Variants in KCNH1 observed in about 807,000 individuals in gnomAD.
The protein encoded by KCNH1 is voltage-gated delayed rectifier potassium channel KCNH1.
A neutral mutation model predicts 69.2 loss-of-function variants in KCNH1; 27 were observed. That is an observed-to-expected ratio of 0.39 (90% CI 0.29 to 0.54). KCNH1 has a LOEUF of 0.54. KCNH1 is among the 20% of genes least tolerant of loss of function. The probability of loss-of-function intolerance (pLI) is 0.68; values close to 1 mark genes in which losing one functional copy is unlikely to be tolerated. For missense variants in KCNH1, 798 were observed against 1,261.6 expected, an observed-to-expected ratio of 0.63 and a Z score of 5.57; for synonymous variants, 456 against 487.7, an observed-to-expected ratio of 0.93 and a Z score of 0.86.
intron 10 of KCNH1, among the ~76,000 whole-genome samples, chr1:210,730,007 G>T (rs1241115385): frequency 6.6e-6 from 1 of 152,110 alleles, no homozygotes. Flanking sequence ...CCAACTTCTG[G>T]CTGGGCCCTC....
At chr1:210,740,256 C>T (rs1223262642) in intron 10 of KCNH1, among the ~76,000 whole-genome samples, 3 of 152,202 alleles carry the variant, frequency 2.0e-5, no homozygotes, top group Non-Finnish European at 4.4e-5. Flanking sequence ...GAAATACCAT[C>T]TCTGAAAAGA....
chr1:210,984,526 G>C (rs183471163), intron 6 of KCNH1, among the ~76,000 whole-genome samples: 1 of 152,214 alleles, frequency 6.6e-6, no homozygotes, highest in African/African-American at 2.4e-5. Flanking sequence ...CATCTATTGA[G>C]ATAATCATGT....
At chr1:210,950,487 C>T (rs547676945) in intron 6 of KCNH1, among the ~76,000 whole-genome samples, 1 of 148,884 alleles carries the variant, frequency 6.7e-6, no homozygotes, top group Non-Finnish European at 1.5e-5. Context: ...TTTGTTCTTG[C>T]GATAGTTTAC....
Position 210,684,138 on chromosome 1 carries a change from T to G in KCNH1, c.2113A>C (p.Ile705Leu). 6.6e-7 allele frequency: 1 copy of G among 1,506,372 alleles called. No individual in the cohort carries two copies. Among genetic ancestry groups the G allele is most frequent in the Non-Finnish European group, 8.9e-7 (1 of 1,128,278 alleles). The allele number at this position is 1,506,372 out of a possible 1,614,324, so 93.3% of individuals were successfully genotyped here. A position where few individuals can be genotyped will look rare whatever the true frequency, so the allele number is the denominator to read the frequency against. Residue 705 changes from isoleucine to leucine, a missense_variant and splice_region_variant, in exon 11 of 11, where the codon ATT becomes CTT. Ile to Leu is a conservative substitution (Grantham distance 5). This residue lies in a region of KCNH1 where 197 missense variants were observed against 407.7 expected (regional missense o/e 0.48). Transcript: ENST00000271751. ...LILTYNLRKRIVFRKISDVKR... is the reference protein window; with the variant it reads ...LILTYNLRKRLVFRKISDVKR... ...ACATCGCTGATCTTCCGGAACACAA[T>G]CTGGAGAGAGAGAGAGAGAGAATGA...
intron 7 of KCNH1, among the ~76,000 whole-genome samples, chr1:210,908,138 T>C (rs1687154779): frequency 6.6e-6 from 1 of 152,224 alleles, no homozygotes. Context: ...TCTCAATCTC[T>C]GTGAGTGTCA....
At chr1:211,059,751 A>AAG (rs200217736) in intron 5 of KCNH1, among the ~76,000 whole-genome samples, 419 of 149,226 alleles carry the variant, frequency 2.8e-3, no homozygotes, top group Middle Eastern at 3.5e-3. Context: ...TCAAGAAAAA[A>AAG]AGAGTGAGAG....
At chr1:210,706,155 C>G (rs2149013753) in intron 10 of KCNH1, among the ~76,000 whole-genome samples, 1 of 152,252 alleles carries the variant, frequency 6.6e-6, no homozygotes, top group African/African-American at 2.4e-5. Context: ...TCTGAAATTT[C>G]CCCTCTTCCA....
chr1:210,995,111 C>T (rs566114038), intron 6 of KCNH1, among the ~76,000 whole-genome samples: 1 of 152,026 alleles, frequency 6.6e-6, no homozygotes, highest in African/African-American at 2.4e-5. Context: ...AACTATATTC[C>T]TTCCATTCTC....
intron 5 of KCNH1, among the ~76,000 whole-genome samples, chr1:211,073,946 C>T (rs1188069794): frequency 6.6e-6 from 1 of 151,554 alleles, no homozygotes; most frequent in African/African-American, 2.4e-5. Flanking sequence ...CAATAAAAAT[C>T]AATAAGCCTC....
intron 6 of KCNH1, among the ~76,000 whole-genome samples, chr1:211,008,390 A>C (rs536518075): frequency 2.7e-4 from 41 of 152,350 alleles, no homozygotes; most frequent in Non-Finnish European, 5.6e-4. Flanking sequence ...TCAACAGAAT[A>C]ATTATGCAAC....
intron 10 of KCNH1, among the ~76,000 whole-genome samples, chr1:210,762,918 A>C (rs1373184453): frequency 6.6e-6 from 1 of 152,014 alleles, no homozygotes; most frequent in Non-Finnish European, 1.5e-5. Context: ...AAGACACAAC[A>C]AAAAAAGAAA....
In KCNH1 at chr1:210,678,749, C is replaced by G. The variant is rs1391905151; in HGVS notation, c.*4532G>C. ...CATCGGAATATTAAGAGAATACATT[C>G]ATTAGGGGAGGGTGCATCCTTCAAC... On this transcript the variant is annotated 3_prime_UTR_variant, in exon 11 of 11. Coordinates refer to ENST00000271751, the MANE Select transcript of KCNH1 (RefSeq NM_172362.3). 2 of 152,166 alleles carry G rather than the reference C, an allele frequency of 1.3e-5. No individual in the cohort carries two copies. The highest frequency in any genetic ancestry group is 1.3e-4 in the Admixed American group (2 of 15,282). The allele number at this position is 152,166 out of a possible 1,614,324, so 9.4% of individuals were successfully genotyped here.
intron 5 of KCNH1, among the ~76,000 whole-genome samples, chr1:211,068,190 C>T (rs75044236): frequency 0.092 from 14,033 of 152,266 alleles, 917 homozygotes; most frequent in South Asian, 0.18. Flanking sequence ...AGAGGTTTCA[C>T]TGAAGTCTCC....
At chr1:210,735,098 C>T (rs550568077) in intron 10 of KCNH1, among the ~76,000 whole-genome samples, 1 of 152,206 alleles carries the variant, frequency 6.6e-6, no homozygotes, top group East Asian at 1.9e-4. Context: ...CTCTTTTGCA[C>T]CTCAGGGCTT....
intron 7 of KCNH1, among the ~76,000 whole-genome samples, chr1:210,807,791 C>G (rs975941268): frequency 6.6e-6 from 1 of 152,052 alleles, no homozygotes; most frequent in Non-Finnish European, 1.5e-5. Flanking sequence ...TATGGATGTA[C>G]CACAACCATT....
At chr1:210,764,397 A>G (rs1683582545) in intron 10 of KCNH1, among the ~76,000 whole-genome samples, 1 of 152,198 alleles carries the variant, frequency 6.6e-6, no homozygotes, top group South Asian at 2.1e-4. Flanking sequence ...GAGCTTCTGC[A>G]CAGCAAAAGA....
At chr1:211,048,306 A>G (rs1280963888) in intron 5 of KCNH1, among the ~76,000 whole-genome samples, 1 of 152,228 alleles carries the variant, frequency 6.6e-6, no homozygotes, top group African/African-American at 2.4e-5. Context: ...TAGATCTACC[A>G]TTTGATCCAG....
At chr1:211,021,658 C>A (rs571151084) in intron 5 of KCNH1, among the ~76,000 whole-genome samples, 1 of 151,722 alleles carries the variant, frequency 6.6e-6, no homozygotes, top group African/African-American at 2.4e-5. Context: ...ACTCAACATA[C>A]AAAAGTCAGT....
intron 4 of KCNH1, among the ~76,000 whole-genome samples, chr1:211,084,875 A>G (rs1264482179): frequency 6.6e-6 from 1 of 152,210 alleles, no homozygotes; most frequent in Non-Finnish European, 1.5e-5. Context: ...ATGGTACTAG[A>G]TACTAGAGAT....
Sources: allele counts gnomAD v4.1 joint callset (sites outside exome capture counted in the v4.1 genomes callset), GRCh38; gene constraint gnomAD v4.1.1; regional missense constraint gnomAD v4.1.1; transcripts MANE v1.5; gene names NCBI Gene and HGNC (gene_info 2026-07-23, HGNC 2026-07-21).